The following PTPRN2 variants were observed in gnomAD, a reference collection of about 807,000 sequenced individuals.
The protein encoded by PTPRN2 is protein tyrosine phosphatase receptor type N2, also known as receptor-type tyrosine-protein phosphatase N2.
A neutral mutation model predicts 118.8 loss-of-function variants in PTPRN2; 74 were observed. The ratio of observed to expected loss-of-function variants is 0.62; its 90% CI spans 0.52 to 0.76. PTPRN2 has a LOEUF of 0.76. Ranked by LOEUF, PTPRN2 falls within the 30% of genes least tolerant of loss-of-function variation. PTPRN2 has a pLI of 0.00. For missense variants in PTPRN2, 1,481 were observed against 1,394.4 expected (o/e 1.06, Z -0.99); for synonymous variants, 641 against 608.0 (o/e 1.05, Z -0.80).
At chr7:158,186,416 C>T (rs1350216113) in intron 5 of PTPRN2, among the ~76,000 whole-genome samples, 1 of 152,212 alleles carries the variant, frequency 6.6e-6, no homozygotes, top group Non-Finnish European at 1.5e-5. Context: ...GAATGGGCTC[C>T]TGACACTCTG....
In PTPRN2 at chr7:157,590,965, C is replaced by T. The variant is rs1476466000; in HGVS notation, c.2496+4273G>A. Among the ~76,000 whole-genome samples, 4 of 152,072 alleles carry T rather than the reference C, an allele frequency of 2.6e-5. No homozygotes were observed. The highest frequency in any genetic ancestry group is 4.4e-5 in the Non-Finnish European group (3 of 68,006). On this transcript the variant is annotated intron_variant, in intron 17 of 22. Transcript: ENST00000389418. This position sits in a 1 kb window ranked among gnomAD's most constrained non-coding sequence, Gnocchi z 4.0. ...CATTGTACTGGGTAGAATCATGTAC[C>T]CCCAAATCCATGTCCACCTGGAACC...
chr7:158,250,958 T>C (rs1027027965), intron 3 of PTPRN2, among the ~76,000 whole-genome samples: 1 of 151,872 alleles, frequency 6.6e-6, no homozygotes, highest in Non-Finnish European at 1.5e-5. Context: ...TTACGCACAG[T>C]GAGATGAGCA....
intron 13 of PTPRN2, among the ~76,000 whole-genome samples, chr7:157,673,283 C>T (rs983987282): frequency 2.6e-5 from 4 of 152,182 alleles, no homozygotes; most frequent in Non-Finnish European, 5.9e-5. Context: ...CTCGGCCTCC[C>T]AAAGTGCTGG....
intron 5 of PTPRN2, among the ~76,000 whole-genome samples, chr7:158,168,325 G>A (rs981580548): frequency 1.3e-5 from 2 of 152,218 alleles, no homozygotes; most frequent in Non-Finnish European, 2.9e-5. Context: ...TCACAGCAAT[G>A]AGAGGAGCTG....
rs1803818350 is a variant in PTPRN2 at position 157,629,661 on chromosome 7, C to A, written c.2197-8152G>T. Among the ~76,000 whole-genome samples the A allele has an allele frequency of 6.6e-6, 1 of 152,206 alleles. No individual in the cohort carries two copies. The highest frequency in any genetic ancestry group is 6.5e-5 in the Admixed American group (1 of 15,282). On this transcript the variant is annotated intron_variant, in intron 14 of 22. Transcript: ENST00000389418. This position sits in a 1 kb window ranked among gnomAD's most constrained non-coding sequence, Gnocchi z 4.4. ...CTGTCCTGGTGAAACTTCGTTCCTA[C>A]AACGATGCTGCCAGCAGTGGAGACT...
Position 158,265,756 on chromosome 7 carries a change from A to G in PTPRN2, c.277+51063T>C, listed in dbSNP as rs191107787. Among the ~76,000 whole-genome samples the G allele has an allele frequency of 4.6e-5, 7 of 152,334 alleles. No individual in the cohort carries two copies. In the East Asian group the frequency reaches 1.4e-3, roughly 29 times the overall value. On this transcript the variant is annotated intron_variant, in intron 3 of 22. Transcript: ENST00000389418. ...CTGGAAATGAATGAGCAGAGGCACCATGAGGACATGGTCCAGGCACACATC... is the reference window on the plus strand; with the variant it reads ...CTGGAAATGAATGAGCAGAGGCACCGTGAGGACATGGTCCAGGCACACATC...
intron 3 of PTPRN2, among the ~76,000 whole-genome samples, chr7:158,252,337 C>T (rs1250815212): frequency 6.6e-6 from 1 of 152,174 alleles, no homozygotes; most frequent in Non-Finnish European, 1.5e-5. Flanking sequence ...GAATCATCCC[C>T]GTGCCCAGGG....
intron 12 of PTPRN2, among the ~76,000 whole-genome samples, chr7:157,849,335 T>C (rs1263671857): frequency 6.6e-6 from 1 of 152,020 alleles, no homozygotes; most frequent in Non-Finnish European, 1.5e-5. Context: ...CATCCGGAAG[T>C]TGCGATTCAT....
chr7:158,007,757 CTA>C lies in PTPRN2; in HGVS notation c.1723+73539_1723+73540del, dbSNP rs1257710376. Among the ~76,000 whole-genome samples the C allele has an allele frequency of 4.0e-5, 6 of 151,244 alleles. No individual in the cohort carries two copies. In the East Asian group the frequency reaches 1.2e-3, roughly 29 times the overall value. ...GTGTGTGAGGGTGTGTGTGGCTGTG[CTA>C]TGTGTGAGGGTGTGCTGTGTGTGGC... On this transcript the variant is annotated intron_variant, in intron 11 of 22. Transcript: ENST00000389418.
chr7:157,549,135 C>T (rs565530093), intron 21 of PTPRN2, 116 bp from the exon 22 acceptor site: 30 of 998,746 alleles, frequency 3.0e-5, no homozygotes, highest in Middle Eastern at 2.1e-4. Flanking sequence ...AAAATTATTA[C>T]GCTCATCCCT....
chr7:157,886,762 C>T (rs1796468810), intron 12 of PTPRN2, among the ~76,000 whole-genome samples: 1 of 152,264 alleles, frequency 6.6e-6, no homozygotes, highest in Non-Finnish European at 1.5e-5. Context: ...GCTGAGCCCA[C>T]CACAGTGGGG....
rs767353605 is a variant in PTPRN2, at chr7:157,861,608, C to T, written c.1788+37065G>A. 2.0e-5 allele frequency among the ~76,000 whole-genome samples: 3 copies of T among 152,226 alleles called. No individual in the cohort carries two copies. The highest frequency in any genetic ancestry group is 4.4e-5 in the Non-Finnish European group (3 of 68,044). ...TTTGGGGCTGCCAGAACAAAGGACT[C>T]CAGACGGATGGGCTTGAAACAGTGG... On this transcript the variant is annotated intron_variant, in intron 12 of 22. Coordinates refer to ENST00000389418, the MANE Select transcript of PTPRN2 (RefSeq NM_002847.5). The surrounding 1 kb of genome is among the most constrained non-coding windows in gnomAD (Gnocchi z 5.8).
chr7:157,696,854 C>T (rs1394018363), intron 12 of PTPRN2, among the ~76,000 whole-genome samples: 1 of 119,270 alleles, frequency 8.4e-6, no homozygotes, highest in African/African-American at 3.3e-5. Context: ...CCCTCACCGT[C>T]TACACATGCA....
At chr7:157,991,450 C>G (rs373827100) in intron 11 of PTPRN2, among the ~76,000 whole-genome samples, 2 of 152,256 alleles carry the variant, frequency 1.3e-5, no homozygotes, top group East Asian at 1.9e-4. Flanking sequence ...CTGGCCCCAC[C>G]CAGCTCCTCT....
chr7:158,024,294 G>A (rs1807111912), intron 11 of PTPRN2, among the ~76,000 whole-genome samples: 2 of 152,112 alleles, frequency 1.3e-5, no homozygotes, highest in African/African-American at 4.8e-5. Flanking sequence ...TTAATTGACT[G>A]GTCAGTCTCA....
intron 1 of PTPRN2, chr7:158,541,410 T>TAC: frequency 7.9e-7 from 1 of 1,272,586 alleles, no homozygotes; most frequent in Non-Finnish European, 1.0e-6. Context: ...AAGCAAGCAT[T>TAC]ATTCCACCCG....
chr7:158,204,543 T>A (rs78025349), intron 4 of PTPRN2, among the ~76,000 whole-genome samples: 2,691 of 152,230 alleles, frequency 0.018, 107 homozygotes, highest in East Asian at 0.17. Context: ...TGTTTTTTTT[T>A]AAAAAACATG....
Position 157,540,614 on chromosome 7 carries a change from A to T in PTPRN2, c.*100T>A. 1 of 1,012,004 alleles carries T rather than the reference A, an allele frequency of 9.9e-7. No individual in the cohort carries two copies. Among genetic ancestry groups the T allele is most frequent in the Non-Finnish European group, 1.5e-6 (1 of 679,780 alleles). The allele number at this position is 1,012,004 out of a possible 1,614,324, so 62.7% of individuals were successfully genotyped here. A position where few individuals can be genotyped will look rare whatever the true frequency, so the allele number is the denominator to read the frequency against. ...CTACGGGAGAGCTAAGGGCCCTATT[A>T]CTATGCAGTTATAATAGAAGACACA... On this transcript the variant is annotated 3_prime_UTR_variant, in exon 23 of 23. Coordinates refer to ENST00000389418, the MANE Select transcript of PTPRN2 (RefSeq NM_002847.5).
rs528219024 is a variant in PTPRN2 at position 158,519,863 on chromosome 7, C to T, written c.113-30078G>A. Among the ~76,000 whole-genome samples the T allele has an allele frequency of 3.9e-5, 6 of 152,330 alleles. No individual in the cohort carries two copies. The South Asian group carries it at 6.2e-4, about 16-fold the overall frequency. Reference sequence around the variant, plus strand: ...CTCCATTTTCCCCACAACGCCAGCACGGTCACACTCTGCAAGCAACACCCA... The same window carrying T: ...CTCCATTTTCCCCACAACGCCAGCATGGTCACACTCTGCAAGCAACACCCA... On this transcript the variant is annotated intron_variant, in intron 1 of 22. Coordinates refer to ENST00000389418, the MANE Select transcript of PTPRN2 (RefSeq NM_002847.5).
Sources: gnomAD v4.1 joint callset for allele counts (sites outside exome capture counted in the v4.1 genomes callset) on GRCh38, gnomAD v4.1.1 for gene constraint, Gnocchi (gnomAD v3.1) non-coding constraint, MANE v1.5 for transcripts, NCBI Gene and HGNC (gene_info 2026-07-23, HGNC 2026-07-21) for gene names.